BMPER: variants seen among roughly 807,000 people sequenced by gnomAD.
BMPER encodes the protein BMP-binding endothelial regulator protein.
BMPER carries 45 observed loss-of-function variants against 87.3 expected under a neutral mutation model. That is an observed-to-expected ratio of 0.52 (90% CI 0.41 to 0.66). The LOEUF is 0.66. Ranked by LOEUF, BMPER falls within the 30% of genes least tolerant of loss-of-function variation. The pLI, the probability that BMPER is intolerant of heterozygous loss-of-function variation, is 0.00. For synonymous variants in BMPER, 326 were observed against 316.2 expected, an observed-to-expected ratio of 1.03 and a Z score of -0.33; for missense variants, 784 against 867.5, an observed-to-expected ratio of 0.90 and a Z score of 1.21.
chr7:34,140,534 A>G (rs1265807271), intron 13 of BMPER, among the ~76,000 whole-genome samples: 1 of 152,238 alleles, frequency 6.6e-6, no homozygotes, highest in Non-Finnish European at 1.5e-5. Context: ...TTAGTTTTAC[A>G]GAACGGCATA....
At chr7:34,032,187 T>C (rs1787546773) in intron 6 of BMPER, among the ~76,000 whole-genome samples, 1 of 151,664 alleles carries the variant, frequency 6.6e-6, no homozygotes, top group African/African-American at 2.4e-5. Context: ...TTAATTAACT[T>C]TGGTGCAATA....
intron 11 of BMPER, among the ~76,000 whole-genome samples, chr7:34,075,413 ACACT>A (rs1788838868): frequency 6.6e-6 from 1 of 152,180 alleles, no homozygotes; most frequent in African/African-American, 2.4e-5. Context: ...TAGAGAAAAA[ACACT>A]CACTCCTATT....
chr7:34,047,013 AT>A (rs1787993231), intron 7 of BMPER, among the ~76,000 whole-genome samples: 1 of 150,802 alleles, frequency 6.6e-6, no homozygotes, highest in Non-Finnish European at 1.5e-5. Flanking sequence ...TGAAGGTGCT[AT>A]TATTAATTTT....
chr7:34,149,546 G>C (rs1005709040), intron 14 of BMPER, among the ~76,000 whole-genome samples: 13 of 152,104 alleles, frequency 8.5e-5, no homozygotes, highest in African/African-American at 3.1e-4. Flanking sequence ...AGTAATTGAG[G>C]AAGAGACAGA....
rs1162621732 is a variant in BMPER at position 33,905,682 on chromosome 7, C to T, written c.69C>T (p.Cys23=). The T allele has an allele frequency of 1.2e-6, 2 of 1,613,372 alleles. No homozygotes were observed. The highest frequency in any genetic ancestry group is 1.3e-5 in the African/African-American group (1 of 74,982). ...RYCRRSPGIT[C]CVLLLLNCSG... ...GCCGCCGCTCGCCTGGGATTACGTGCTGCGTCTTGCTGCTACTCAATTGCT... is the reference window on the plus strand; with the variant it reads ...GCCGCCGCTCGCCTGGGATTACGTGTTGCGTCTTGCTGCTACTCAATTGCT... The change falls in exon 1 of 15, where the codon TGC becomes TGT. Residue 23 remains cysteine, a synonymous_variant. Transcript: ENST00000649409.
chr7:34,136,257 G>A lies in BMPER; in HGVS notation c.1746-6973G>A, dbSNP rs189589127. ...GTTCCCAGGATTGAAGCTTCTGGCC[G>A]TGTTTTTCATGTGACAGTGGTGTTT... is the stretch of plus-strand genomic sequence containing the variant. On this transcript the variant is annotated intron_variant, in intron 13 of 14. Coordinates refer to ENST00000649409, the MANE Select transcript of BMPER (RefSeq NM_001365308.1). Among the ~76,000 whole-genome samples the A allele has an allele frequency of 1.1e-4, 16 of 152,276 alleles. No individual in the cohort carries two copies. The East Asian group carries it at 2.7e-3, about 26-fold the overall frequency.
chr7:33,921,642 T>C lies in BMPER; in HGVS notation c.219+14739T>C, dbSNP rs534748763. 4.3e-4 allele frequency: 185 copies of C among 431,502 alleles called. 2 individuals are homozygous for C. The highest frequency in any genetic ancestry group is 3.0e-3 in the South Asian group (178 of 58,476). The allele number at this position is 431,502 out of a possible 1,614,324, so 26.7% of individuals were successfully genotyped here. On this transcript the variant is annotated intron_variant, in intron 2 of 14. Transcript: ENST00000649409. ...CCTGGCGCCTTTGGGTGGGACAGGC[T>C]GACCCGCTGGGCTGCTGCCAGTCTC...
chr7:33,932,182 G>C (rs2128607638), intron 2 of BMPER, among the ~76,000 whole-genome samples: 1 of 152,342 alleles, frequency 6.6e-6, no homozygotes, highest in Non-Finnish European at 1.5e-5. Context: ...ATGAATGTGG[G>C]TCTACCTCCA....
At chr7:33,976,279 A>G (rs1052214858) in intron 6 of BMPER, among the ~76,000 whole-genome samples, 1 of 151,960 alleles carries the variant, frequency 6.6e-6, no homozygotes, top group African/African-American at 2.4e-5. Context: ...CAGCCTCCCA[A>G]GTAGCTGGGA....
upstream of BMPER, chr7:33,905,533 C>T: frequency 6.3e-7 from 1 of 1,579,520 alleles, no homozygotes; most frequent in South Asian, 1.1e-5. Context: ...GCTGAGAGCC[C>T]TTTTCGACTG....
chr7:34,102,232 T>C (rs1005970769), intron 13 of BMPER, among the ~76,000 whole-genome samples: 10 of 152,150 alleles, frequency 6.6e-5, no homozygotes, highest in Non-Finnish European at 1.0e-4. Context: ...GGTTATAGCT[T>C]CGGAGAAATT....
At chr7:34,104,618 C>A (rs968448332) in intron 13 of BMPER, among the ~76,000 whole-genome samples, 2 of 152,130 alleles carry the variant, frequency 1.3e-5, no homozygotes, top group African/African-American at 4.8e-5. Context: ...TCTAGAACCA[C>A]CTCTGAAAAA....
At chr7:34,042,531 C>T (rs1021124531) in intron 6 of BMPER, 1 of 152,154 alleles carries the variant, frequency 6.6e-6, no homozygotes, top group Non-Finnish European at 1.5e-5. Context: ...TTAACACCAA[C>T]AAACAGTACC....
chr7:33,965,555 CAT>C (rs748150745), intron 3 of BMPER, among the ~76,000 whole-genome samples: 2 of 152,190 alleles, frequency 1.3e-5, no homozygotes, highest in Admixed American at 6.5e-5. Flanking sequence ...TGCATTATCA[CAT>C]GTGTGTGTTC....
chr7:33,964,742 T>C (rs986909239), intron 3 of BMPER, among the ~76,000 whole-genome samples: 7 of 152,086 alleles, frequency 4.6e-5, no homozygotes, highest in African/African-American at 1.7e-4. Flanking sequence ...CACTTCCTCC[T>C]CTAAAACAAA....
chr7:34,114,779 A>T (rs941517008), intron 13 of BMPER, among the ~76,000 whole-genome samples: 8 of 152,180 alleles, frequency 5.3e-5, no homozygotes, highest in Non-Finnish European at 1.2e-4. Context: ...GGCAGTGCAA[A>T]ACTCCAGTGC....
Position 34,143,260 on chromosome 7 carries a change from A to C in BMPER, c.1776A>C (p.Pro592=). ...GTGTGACAGACATGTGTGAATGTCC[A>C]GTCCATAAAAACTGTTATTGCGAGT... is the stretch of plus-strand genomic sequence containing the variant. The part of the protein sequence containing the change: ...RSCVTDMCEC[P]VHKNCYCESF... The change falls in exon 14 of 15, where the codon CCA becomes CCC. Residue 592 remains proline (P), a synonymous_variant. Transcript: ENST00000649409. 6.2e-7 allele frequency: 1 copy of C among 1,614,090 alleles called. No individual in the cohort carries two copies. The highest frequency in any genetic ancestry group is 8.5e-7 in the Non-Finnish European group (1 of 1,179,948).
At chr7:34,138,344 G>A (rs867955535) in intron 13 of BMPER, among the ~76,000 whole-genome samples, 3 of 152,146 alleles carry the variant, frequency 2.0e-5, no homozygotes, top group African/African-American at 7.2e-5. Flanking sequence ...TGAGGAACAG[G>A]GTTAAAACAT....
chr7:34,011,806 T>G (rs1786889683), intron 6 of BMPER, among the ~76,000 whole-genome samples: 1 of 151,780 alleles, frequency 6.6e-6, no homozygotes, highest in Admixed American at 6.6e-5. Flanking sequence ...CAGAATTCAG[T>G]GCTTGGGGTT....
Sources: allele counts gnomAD v4.1 joint callset (sites outside exome capture counted in the v4.1 genomes callset), GRCh38; gene constraint gnomAD v4.1.1; transcripts MANE v1.5; gene names NCBI Gene and HGNC (gene_info 2026-07-23, HGNC 2026-07-21).